The following LRP1B variants were observed in gnomAD, a reference collection of about 807,000 sequenced individuals.
The protein encoded by LRP1B is low-density lipoprotein receptor-related protein 1B.
LRP1B carries 217 observed loss-of-function variants against 556.6 expected under a neutral mutation model. The observed-to-expected ratio is 0.39, with a 90% CI of 0.35 to 0.44. LRP1B has a LOEUF of 0.44. Among genes scored for constraint, LRP1B ranks in the 20% least tolerant of loss-of-function variants. The probability of loss-of-function intolerance (pLI) is 1.00; values close to 1 mark genes in which losing one functional copy is unlikely to be tolerated. For synonymous variants in LRP1B, 2,047 were observed against 1,865.8 expected (o/e 1.10, Z -2.50); for missense variants, 5,053 against 5,620.8 (o/e 0.90, Z 3.23).
chr2:141,043,691 A>G (rs1468223669), intron 11 of LRP1B, among the ~76,000 whole-genome samples: 1 of 152,068 alleles, frequency 6.6e-6, no homozygotes, highest in Non-Finnish European at 1.5e-5. Flanking sequence ...ATGAAGGCAT[A>G]CAGTTTAAAA....
At chr2:141,201,250 A>C (rs1682002224) in intron 6 of LRP1B, among the ~76,000 whole-genome samples, 1 of 152,226 alleles carries the variant, frequency 6.6e-6, no homozygotes, top group Non-Finnish European at 1.5e-5. Flanking sequence ...AGCAAAGATC[A>C]AAATAATGTT....
chr2:141,969,280 C>G (rs1486581604), intron 1 of LRP1B, among the ~76,000 whole-genome samples: 1 of 151,546 alleles, frequency 6.6e-6, no homozygotes, highest in Non-Finnish European at 1.5e-5. Flanking sequence ...GAAATGTACT[C>G]TTTCCAACAT....
intron 2 of LRP1B, among the ~76,000 whole-genome samples, chr2:141,554,183 TAG>T (rs1282617428): frequency 6.9e-6 from 1 of 145,834 alleles, no homozygotes; most frequent in African/African-American, 2.5e-5. Flanking sequence ...TGAATAGACC[TAG>T]ATATGGGTTA....
intron 41 of LRP1B, among the ~76,000 whole-genome samples, chr2:140,697,085 C>T (rs1214561827): frequency 3.9e-5 from 6 of 152,084 alleles, no homozygotes; most frequent in African/African-American, 1.2e-4. Context: ...CTGGGCTCGA[C>T]CGATGTTTCA....
chr2:140,840,724 G>A (rs961458385), intron 30 of LRP1B, among the ~76,000 whole-genome samples, 194 bp downstream of exon 30: 3 of 152,050 alleles, frequency 2.0e-5, no homozygotes, highest in African/African-American at 7.2e-5. Flanking sequence ...ATATATGTTG[G>A]TGTAGGATAT....
chr2:140,864,384 A>G (rs541559241), intron 27 of LRP1B, among the ~76,000 whole-genome samples: 122 of 152,218 alleles, frequency 8.0e-4, no homozygotes, highest in African/African-American at 2.8e-3. Context: ...AATGTAGAGG[A>G]GGTAAAATTT....
At chr2:140,235,601 T>C (rs1288280953) in intron 89 of LRP1B, among the ~76,000 whole-genome samples, 1 of 151,130 alleles carries the variant, frequency 6.6e-6, no homozygotes, top group Non-Finnish European at 1.5e-5. Context: ...ATCTAAGTCA[T>C]ATTTGATGCA....
intron 2 of LRP1B, among the ~76,000 whole-genome samples, chr2:141,673,576 T>C (rs573072892): frequency 2.8e-4 from 43 of 152,238 alleles, no homozygotes; most frequent in African/African-American, 9.1e-4. Flanking sequence ...AATCAAACAC[T>C]GTAAAGAGCC....
intron 2 of LRP1B, among the ~76,000 whole-genome samples, chr2:141,790,257 T>C (rs758568504): frequency 6.6e-6 from 1 of 151,930 alleles, no homozygotes; most frequent in Non-Finnish European, 1.5e-5. Context: ...AATAAATGTA[T>C]TCTTTTAATG....
At position 141,977,891 on chromosome 2, in the gene LRP1B, C is replaced by T. The variant is rs1357410329; in HGVS notation, c.82+152757G>A. On this transcript the variant is annotated intron_variant, in intron 1 of 90. Coordinates refer to ENST00000389484, the MANE Select transcript of LRP1B (RefSeq NM_018557.3). Reference sequence around the variant, plus strand: ...TCATACAAGCCTAACTTAAAATATCCATTATTCCTATTATTCTTATTGCAA... The same window carrying T: ...TCATACAAGCCTAACTTAAAATATCTATTATTCCTATTATTCTTATTGCAA... Among the ~76,000 whole-genome samples, 2 of 151,942 alleles carry T rather than the reference C, an allele frequency of 1.3e-5. 1 individual carries two copies. The highest frequency in any genetic ancestry group is 4.2e-4 in the South Asian group (2 of 4,806).
chr2:141,114,540 T>G (rs1018314277), intron 7 of LRP1B, among the ~76,000 whole-genome samples: 1 of 152,140 alleles, frequency 6.6e-6, no homozygotes, highest in Admixed American at 6.6e-5. Context: ...CTCTTGATAT[T>G]CAGATGCCCC....
intron 1 of LRP1B, among the ~76,000 whole-genome samples, chr2:141,850,622 C>CTGTGTGTGTGTGTGTGTGTGTG (rs70994458): frequency 7.1e-6 from 1 of 141,102 alleles, no homozygotes; most frequent in Non-Finnish European, 1.5e-5. Flanking sequence ...AGCATAAACT[C>CTGTGTGTGTGTGTGTGTGTGTG]TGTGTGTGTG....
intron 1 of LRP1B, among the ~76,000 whole-genome samples, chr2:141,870,235 T>A (rs902286980): frequency 6.6e-6 from 1 of 151,934 alleles, no homozygotes; most frequent in African/African-American, 2.4e-5. Context: ...TCAAAATGAC[T>A]CTTATTTTTA....
intron 43 of LRP1B, among the ~76,000 whole-genome samples, chr2:140,568,340 TA>T (rs968159837): frequency 1.3e-5 from 2 of 149,110 alleles, no homozygotes; most frequent in African/African-American, 4.9e-5. Flanking sequence ...ATGAATAAAA[TA>T]AAAAAATATA....
chr2:142,065,130 C>T (rs1431851992), intron 1 of LRP1B, among the ~76,000 whole-genome samples: 1 of 151,472 alleles, frequency 6.6e-6, no homozygotes, highest in Non-Finnish European at 1.5e-5. Flanking sequence ...ATATAACTAT[C>T]CCTTTAAGCC....
chr2:140,646,023 CCAAT>C (rs1342795814), intron 41 of LRP1B, among the ~76,000 whole-genome samples: 4 of 152,054 alleles, frequency 2.6e-5, no homozygotes, highest in African/African-American at 9.7e-5. Context: ...TAGATAGACT[CCAAT>C]CAGTCATTAA....
At chr2:141,856,957 CT>C (rs1260430468) in intron 1 of LRP1B, among the ~76,000 whole-genome samples, 3 of 151,296 alleles carry the variant, frequency 2.0e-5, no homozygotes, top group Non-Finnish European at 4.4e-5. Context: ...ATCGGAATCT[CT>C]GCTGGTTGTG....
chr2:140,463,081 T>C (rs1289362631), intron 60 of LRP1B, among the ~76,000 whole-genome samples: 1 of 152,094 alleles, frequency 6.6e-6, no homozygotes, highest in African/African-American at 2.4e-5. Flanking sequence ...ACAAAGGCTA[T>C]GAAAAACTGC....
chr2:141,541,186 A>G (rs932517587), intron 2 of LRP1B, among the ~76,000 whole-genome samples: 3 of 152,042 alleles, frequency 2.0e-5, no homozygotes, highest in Non-Finnish European at 4.4e-5. Flanking sequence ...AATTTCTTCA[A>G]CAAACATTTC....
Sources: gnomAD v4.1 joint callset for allele counts (sites outside exome capture counted in the v4.1 genomes callset) on GRCh38, gnomAD v4.1.1 for gene constraint, MANE v1.5 for transcripts, NCBI Gene and HGNC (gene_info 2026-07-23, HGNC 2026-07-21) for gene names.